DNAJC13: variants seen among roughly 807,000 people sequenced by gnomAD.
DNAJC13 encodes dnaJ homolog subfamily C member 13.
DNAJC13 carries 75 observed loss-of-function variants against 290.5 expected under a neutral mutation model. The observed-to-expected ratio is 0.26, with a 90% CI of 0.21 to 0.31. The LOEUF (loss-of-function observed/expected upper bound fraction) is 0.31. Among genes scored for constraint, DNAJC13 ranks in the 10% least tolerant of loss-of-function variants. The pLI, the probability that DNAJC13 is intolerant of heterozygous loss-of-function variation, is 1.00. For missense variants in DNAJC13, 2,260 were observed against 2,674.5 expected (o/e 0.85, Z 3.42); for synonymous variants, 862 against 892.0 (o/e 0.97, Z 0.60).
intron 45 of DNAJC13, 147 bp from the exon 46 acceptor site, chr3:132,514,424 G>A: frequency 1.8e-6 from 1 of 570,288 alleles, no homozygotes; most frequent in East Asian, 3.1e-5. Context: ...ATTAATAAAG[G>A]CAATCTTTTA....
Position 132,513,108 on chromosome 3 carries a change from G to A in DNAJC13, c.5385+9G>A, listed in dbSNP as rs74754584. The A allele has an allele frequency of 1.3e-3, 2,172 of 1,608,994 alleles. 20 individuals carry two copies. In the African/African-American group the frequency reaches 0.024, roughly 18 times the overall value. On this transcript the variant is annotated intron_variant, in intron 45 of 55. Coordinates refer to ENST00000260818, the MANE Select transcript of DNAJC13 (RefSeq NM_015268.4). ...AGCAGTTGGCTTTAGAGGTAAAAGC[G>A]TTTTGTACTAAAGCGTGTTGCCTTT...
Position 132,442,390 on chromosome 3 carries a change from T to C in DNAJC13, c.69-4085T>C, listed in dbSNP as rs538545189. Among the ~76,000 whole-genome samples, 14 of 152,334 alleles carry C rather than the reference T, an allele frequency of 9.2e-5. No homozygotes were observed. In the South Asian group the frequency reaches 2.7e-3, roughly 29 times the overall value. On this transcript the variant is annotated intron_variant, in intron 2 of 55. Transcript: ENST00000260818. ...TTTATTTTCAGGAATTAAAATAATTTAGAAGTGTTTTGATGTAAATTAATA... is the reference window on the plus strand; with the variant it reads ...TTTATTTTCAGGAATTAAAATAATTCAGAAGTGTTTTGATGTAAATTAATA...
At position 132,490,927 on chromosome 3, in the gene DNAJC13, A is replaced by G. The variant is rs1221814534; in HGVS notation, c.3499A>G (p.Ile1167Val). ...AGGACAAGATATTTTTCAGAGAAGTATACTTGGGCACATTCTACCTGAAGC... is the reference window on the plus strand; with the variant it reads ...AGGACAAGATATTTTTCAGAGAAGTGTACTTGGGCACATTCTACCTGAAGC... ...TKGQDIFQRS[I>V]LGHILPEAMV... Residue 1167 changes from isoleucine to valine, a missense_variant, in exon 32 of 56, where the codon ATA becomes GTA. This residue lies in a region of DNAJC13 where 1,494 missense variants were observed against 1,693.7 expected (regional missense o/e 0.88). Coordinates refer to ENST00000260818, the MANE Select transcript of DNAJC13 (RefSeq NM_015268.4). 1.2e-6 allele frequency: 2 copies of G among 1,607,720 alleles called. No homozygotes were observed. The highest frequency in any genetic ancestry group is 1.7e-6 in the Non-Finnish European group (2 of 1,177,868).
chr3:132,472,704 C>T (rs1170515480), intron 20 of DNAJC13: 1 of 608,966 alleles, frequency 1.6e-6, no homozygotes, highest in African/African-American at 2.0e-5. Flanking sequence ...CATTTCTTCT[C>T]CATTAGCTAT....
At chr3:132,421,922 T>G (rs1938969948) in intron 1 of DNAJC13, among the ~76,000 whole-genome samples, 1 of 152,248 alleles carries the variant, frequency 6.6e-6, no homozygotes, top group African/African-American at 2.4e-5. Context: ...CAAAATGTAC[T>G]TGGTGAGTTA....
intron 42 of DNAJC13, among the ~76,000 whole-genome samples, chr3:132,506,093 C>T (rs1935579125): frequency 1.2e-5 from 1 of 85,350 alleles, no homozygotes; most frequent in Non-Finnish European, 2.1e-5. Context: ...CTCTTGTTGG[C>T]TCAGGCTGGA....
At chr3:132,479,772 TCA>T (rs1195869929) in intron 25 of DNAJC13, among the ~76,000 whole-genome samples, 1 of 152,156 alleles carries the variant, frequency 6.6e-6, no homozygotes, top group Non-Finnish European at 1.5e-5. Flanking sequence ...CAAGAGGAAT[TCA>T]CAGTTGTAAT....
At position 132,528,883 on chromosome 3, in the gene DNAJC13, T is replaced by C. The variant is rs1448668340; in HGVS notation, c.6525+551T>C. Among the ~76,000 whole-genome samples, 8 of 152,344 alleles carry C rather than the reference T, an allele frequency of 5.3e-5. No individual in the cohort carries two copies. In the South Asian group the frequency reaches 6.2e-4, roughly 12 times the overall value. On this transcript the variant is annotated intron_variant, in intron 54 of 55. Transcript: ENST00000260818. ...AATTTAATTTTCCTCATTGGTTTTA[T>C]TTTTATTATTTCCTCTAAGGAGTTC...
In DNAJC13 at chr3:132,499,150, G is replaced by C; in HGVS notation, c.4181G>C (p.Gly1394Ala). Reference sequence around the variant, plus strand: ...GATTTACAGCCTTATAAATATGCAGGATACCCCATGCTTATTCGGACTATA... The same window carrying C: ...GATTTACAGCCTTATAAATATGCAGCATACCCCATGCTTATTCGGACTATA... ...KEDLQPYKYA[G>A]YPMLIRTITM... The change falls in exon 37 of 56, where the codon GGA (glycine) becomes GCA (alanine). Residue 1394 changes from glycine (G) to alanine (A), a missense_variant. Coordinates refer to ENST00000260818, the MANE Select transcript of DNAJC13 (RefSeq NM_015268.4). 1 of 1,609,418 alleles carries C rather than the reference G, an allele frequency of 6.2e-7. No individual in the cohort carries two copies. The highest frequency in any genetic ancestry group is 8.5e-7 in the Non-Finnish European group (1 of 1,177,060).
intron 29 of DNAJC13, among the ~76,000 whole-genome samples, chr3:132,486,077 C>A (rs996109725): frequency 8.5e-6 from 1 of 117,664 alleles, no homozygotes; most frequent in African/African-American, 3.2e-5. Context: ...CAGTAATGCC[C>A]TATCCTTTTT....
chr3:132,489,121 C>A, intron 31 of DNAJC13, 100 bp downstream of exon 31: 1 of 880,424 alleles, frequency 1.1e-6, no homozygotes, highest in Non-Finnish European at 1.8e-6. Context: ...ATTATAAGTA[C>A]TTGAGGGTAG....
chr3:132,523,432 T>C, intron 50 of DNAJC13, 108 bp from the exon 51 acceptor site: 1 of 1,310,532 alleles, frequency 7.6e-7, no homozygotes, highest in African/African-American at 1.5e-5. Context: ...GATTATATTA[T>C]GGCTGTTTGT....
Position 132,499,078 on chromosome 3 carries a change from T to A in DNAJC13, c.4157-48T>A. 2.1e-6 allele frequency: 3 copies of A among 1,461,616 alleles called. No homozygotes were observed. In the South Asian group the frequency reaches 4.0e-5, roughly 20 times the overall value. 90.5% of individuals were successfully genotyped at this position (1,461,616 alleles called of 1,614,324 possible). Reference sequence around the variant, plus strand: ...TGGTATCAAAATTGAAACCACAACATAATCAATTTTGTTTTGTTTTTCTAA... The same window carrying A: ...TGGTATCAAAATTGAAACCACAACAAAATCAATTTTGTTTTGTTTTTCTAA... On this transcript the variant is annotated intron_variant, in intron 36 of 55. Coordinates refer to ENST00000260818, the MANE Select transcript of DNAJC13 (RefSeq NM_015268.4).
intron 1 of DNAJC13, among the ~76,000 whole-genome samples, chr3:132,427,845 A>G (rs1559864287): frequency 6.6e-6 from 1 of 152,232 alleles, no homozygotes; most frequent in Non-Finnish European, 1.5e-5. Flanking sequence ...CCTTCGGGAC[A>G]GTTATTCCTA....
At chr3:132,523,072 C>T in intron 49 of DNAJC13, 75 bp downstream of exon 49, 1 of 1,600,144 alleles carries the variant, frequency 6.2e-7, no homozygotes, top group Admixed American at 1.7e-5. Context: ...TCTTACTGTG[C>T]CCATCACCTC....
intron 32 of DNAJC13, among the ~76,000 whole-genome samples, chr3:132,492,200 A>G (rs1363572007): frequency 1.3e-5 from 2 of 152,092 alleles, no homozygotes; most frequent in East Asian, 1.9e-4. Context: ...CCTTTTCTCT[A>G]TGATCTTCTT....
intron 20 of DNAJC13, among the ~76,000 whole-genome samples, chr3:132,468,169 A>T (rs909999295): frequency 6.6e-6 from 1 of 152,214 alleles, no homozygotes; most frequent in Non-Finnish European, 1.5e-5. Flanking sequence ...TGATTCAGTA[A>T]TGCATTCTTC....
intron 1 of DNAJC13, among the ~76,000 whole-genome samples, chr3:132,425,375 C>G (rs1338408780): frequency 2.0e-5 from 3 of 152,136 alleles, no homozygotes; most frequent in African/African-American, 7.2e-5. Context: ...CCACAATTTT[C>G]ACCCAACATA....
At chr3:132,531,213 C>A (rs1438992655) in intron 55 of DNAJC13, 116 bp downstream of exon 55, 2 of 831,588 alleles carry the variant, frequency 2.4e-6, no homozygotes, top group Non-Finnish European at 3.9e-6. Flanking sequence ...TACCAGCTGA[C>A]CTTTCTTGGA....
Sources: gnomAD v4.1 joint callset for allele counts (sites outside exome capture counted in the v4.1 genomes callset) on GRCh38, gnomAD v4.1.1 for gene constraint, gnomAD v4.1.1 regional missense constraint, MANE v1.5 for transcripts, NCBI Gene and HGNC (gene_info 2026-07-23, HGNC 2026-07-21) for gene names.